The following IQCB1 variants were observed in gnomAD, a reference collection of about 807,000 sequenced individuals.
IQCB1 encodes IQ calmodulin-binding motif-containing protein 1.
A neutral mutation model predicts 84.4 loss-of-function variants in IQCB1; 56 were observed. That is an observed-to-expected ratio of 0.66 (90% CI 0.54 to 0.83). The LOEUF is 0.83. IQCB1 is among the 40% of genes least tolerant of loss of function. IQCB1 has a pLI of 0.00. For missense variants in IQCB1, 629 were observed against 682.1 expected (o/e 0.92, Z 0.87); for synonymous variants, 210 against 234.8 (o/e 0.89, Z 0.96).
intron 2 of IQCB1, among the ~76,000 whole-genome samples, chr3:121,830,776 A>G (rs528306298): frequency 3.4e-4 from 52 of 152,160 alleles, no homozygotes; most frequent in African/African-American, 1.2e-3. Flanking sequence ...CAGAACTCTA[A>G]TCATCCCTGC....
At chr3:121,795,025 C>G (rs745730795) in intron 10 of IQCB1, among the ~76,000 whole-genome samples, 1 of 152,062 alleles carries the variant, frequency 6.6e-6, no homozygotes, top group East Asian at 1.9e-4. Flanking sequence ...AAATAAATGC[C>G]GAACTATATC....
At chr3:121,823,183 T>C (rs1950336329) in intron 5 of IQCB1, among the ~76,000 whole-genome samples, 1 of 118,202 alleles carries the variant, frequency 8.5e-6, no homozygotes, top group Non-Finnish European at 1.7e-5. Context: ...ATAGAAATTA[T>C]CGAAACTGAA....
intron 5 of IQCB1, among the ~76,000 whole-genome samples, chr3:121,811,596 C>T (rs1282393659): frequency 6.6e-6 from 1 of 152,288 alleles, no homozygotes; most frequent in Admixed American, 6.5e-5. Flanking sequence ...GAAGGGCATC[C>T]ACCATTACTG....
intron 2 of IQCB1, among the ~76,000 whole-genome samples, chr3:121,833,487 G>A (rs772424839): frequency 5.9e-5 from 9 of 152,112 alleles, no homozygotes; most frequent in Non-Finnish European, 8.8e-5. Context: ...CCTGGCTACC[G>A]TAATAAAACA....
intron 5 of IQCB1, among the ~76,000 whole-genome samples, chr3:121,824,852 A>T (rs2108634467): frequency 6.6e-6 from 1 of 152,266 alleles, no homozygotes; most frequent in Middle Eastern, 3.4e-3. Flanking sequence ...GAAGACTTCA[A>T]CAACTCTACT....
At chr3:121,788,844 G>A (rs1392890396) in intron 11 of IQCB1, among the ~76,000 whole-genome samples, 1 of 152,128 alleles carries the variant, frequency 6.6e-6, no homozygotes, top group African/African-American at 2.4e-5. Flanking sequence ...TTATACAGAT[G>A]ACTTTCTTTT....
Position 121,772,577 on chromosome 3 carries a change from G to A in IQCB1, c.1547C>T (p.Thr516Ile). The change falls in exon 14 of 15, where the codon ACC becomes ATC. Residue 516 changes from threonine (T) to isoleucine (I), a missense_variant. Transcript: ENST00000310864. Reference protein sequence around the residue: ...HREALIAQISTNVEQLMKAPS... With the variant: ...HREALIAQISINVEQLMKAPS... ...CATACTCATTAGCTGTTCAACGTTG[G>A]TGCTGATCTGTGCTATCAGAGCTTC... 6.2e-7 allele frequency: 1 copy of A among 1,614,210 alleles called. No individual in the cohort carries two copies. The highest frequency in any genetic ancestry group is 8.5e-7 in the Non-Finnish European group (1 of 1,180,038).
intron 5 of IQCB1, among the ~76,000 whole-genome samples, chr3:121,813,759 C>T (rs1035690912): frequency 6.6e-6 from 1 of 152,128 alleles, no homozygotes; most frequent in African/African-American, 2.4e-5. Flanking sequence ...ACAGGAGCAC[C>T]CAGATTCATA....
At chr3:121,810,953 T>C (rs1037375801) in intron 5 of IQCB1, among the ~76,000 whole-genome samples, 2 of 152,134 alleles carry the variant, frequency 1.3e-5, no homozygotes, top group Non-Finnish European at 1.5e-5. Context: ...ATGGAACACA[T>C]ATGCTCTACC....
chr3:121,790,270 C>T (rs1948913725), intron 10 of IQCB1, 55 bp from the exon 11 acceptor site: 2 of 1,479,372 alleles, frequency 1.4e-6, no homozygotes, highest in Non-Finnish European at 1.9e-6. Context: ...TGAAAAAATG[C>T]ATAACCTCAC....
In IQCB1 at chr3:121,790,134, T is replaced by A. The variant is rs1948904492; in HGVS notation, c.1068A>T (p.Arg356Ser). The A allele has an allele frequency of 1.2e-6, 2 of 1,613,724 alleles. No individual in the cohort carries two copies. The highest frequency in any genetic ancestry group is 1.7e-6 in the Non-Finnish European group (2 of 1,179,608). The change falls in exon 11 of 15, where the codon AGA becomes AGT. Residue 356 changes from arginine to serine, a missense_variant. Physicochemically the swap from Arg to Ser is moderately radical, Grantham distance 110. Coordinates refer to ENST00000310864, the MANE Select transcript of IQCB1 (RefSeq NM_001023570.4). ...EDLKLQLQLQ[R>S]QRAMRLSREL... ...CTCGGGAAAGTCTCATGGCTCTCTG[T>A]CTTTGAAGTTGCAATTGTAATTTGA...
chr3:121,835,047 G>A lies in IQCB1; in HGVS notation c.-183C>T, dbSNP rs1330896432. 4 of 573,114 alleles carry A rather than the reference G, an allele frequency of 7.0e-6. No individual in the cohort carries two copies. The highest frequency in any genetic ancestry group is 1.3e-5 in the Non-Finnish European group (4 of 319,578). The allele number at this position is 573,114 out of a possible 1,614,324, so 35.5% of individuals were successfully genotyped here. A position where few individuals can be genotyped will look rare whatever the true frequency, so the allele number is the denominator to read the frequency against. ...CAGCGCCGCGGCCTTCCGGGGCAGC[G>A]TGCGTCGCGACGCGGGAAGGGGCCT... On this transcript the variant is annotated 5_prime_UTR_variant, in exon 1 of 15. It adds an upstream start codon to the 5' untranslated region. Coordinates refer to ENST00000310864, the MANE Select transcript of IQCB1 (RefSeq NM_001023570.4).
chr3:121,771,377 G>T (rs563013709), intron 14 of IQCB1, among the ~76,000 whole-genome samples: 8 of 151,594 alleles, frequency 5.3e-5, no homozygotes, highest in Non-Finnish European at 1.0e-4. Context: ...CACCTAGGCT[G>T]GAGTGCAGTA....
At chr3:121,813,822 T>C (rs986852206) in intron 5 of IQCB1, among the ~76,000 whole-genome samples, 2 of 152,146 alleles carry the variant, frequency 1.3e-5, no homozygotes, top group Non-Finnish European at 2.9e-5. Flanking sequence ...ACAATAATAG[T>C]GAGAGACTTT....
At chr3:121,814,732 G>A (rs1949980263) in intron 5 of IQCB1, among the ~76,000 whole-genome samples, 1 of 152,130 alleles carries the variant, frequency 6.6e-6, no homozygotes, top group South Asian at 2.1e-4. Context: ...TCCCTGAATA[G>A]ACCAATAACA....
intron 2 of IQCB1, among the ~76,000 whole-genome samples, chr3:121,830,017 G>T (rs970485705): frequency 6.6e-6 from 1 of 152,030 alleles, no homozygotes; most frequent in Non-Finnish European, 1.5e-5. Context: ...GACCAGCCTG[G>T]CCAACATGGT....
chr3:121,799,408 A>G, intron 7 of IQCB1, 34 bp from the exon 8 acceptor site: 1 of 1,281,860 alleles, frequency 7.8e-7, no homozygotes, highest in Non-Finnish European at 1.1e-6. Flanking sequence ...AAGTACCATT[A>G]CTAATTGATG....
chr3:121,823,005 T>C lies in IQCB1; in HGVS notation c.393+3046A>G, dbSNP rs766436937. Among the ~76,000 whole-genome samples, 9 of 152,264 alleles carry C rather than the reference T, an allele frequency of 5.9e-5. No homozygotes were observed. The South Asian group carries it at 8.3e-4, about 14-fold the overall frequency. ...TCAAATGATCCAGGTATTGGATTTATAAACAACAACTTAAAAATAACTATA... is the reference window on the plus strand; with the variant it reads ...TCAAATGATCCAGGTATTGGATTTACAAACAACAACTTAAAAATAACTATA... On this transcript the variant is annotated intron_variant, in intron 5 of 14. Transcript: ENST00000310864.
At chr3:121,809,147 G>A in intron 5 of IQCB1, 138 bp from the exon 6 acceptor site, 1 of 606,586 alleles carries the variant, frequency 1.6e-6, no homozygotes, top group East Asian at 2.9e-5. Context: ...ACATGATTTT[G>A]TTGCCTTTAG....
Sources: allele counts gnomAD v4.1 joint callset (sites outside exome capture counted in the v4.1 genomes callset), GRCh38; gene constraint gnomAD v4.1.1; transcripts MANE v1.5; gene names NCBI Gene and HGNC (gene_info 2026-07-23, HGNC 2026-07-21).